The following DACH1 variants were observed in gnomAD, a reference collection of about 807,000 sequenced individuals.
DACH1 encodes the protein dachshund family transcription factor 1.
DACH1 carries 12 observed loss-of-function variants against 54.2 expected under a neutral mutation model. The ratio of observed to expected loss-of-function variants is 0.22; its 90% CI spans 0.14 to 0.36. The LOEUF (loss-of-function observed/expected upper bound fraction) is 0.36. Ranked by LOEUF, DACH1 falls within the 10% of genes least tolerant of loss-of-function variation. DACH1 has a pLI of 1.00. For synonymous variants in DACH1, 386 were observed against 366.2 expected (o/e 1.05, Z -0.62); for missense variants, 805 against 929.8 (o/e 0.87, Z 1.75).
chr13:71,624,925 C>T (rs1876531830), intron 3 of DACH1, among the ~76,000 whole-genome samples: 2 of 151,832 alleles, frequency 1.3e-5, no homozygotes, highest in South Asian at 2.1e-4. Flanking sequence ...TCTTGAGTCT[C>T]GGCCCCTTTT....
intron 3 of DACH1, among the ~76,000 whole-genome samples, chr13:71,582,498 T>C (rs1010289994): frequency 6.6e-6 from 1 of 152,114 alleles, no homozygotes. Flanking sequence ...CTAAGAATAA[T>C]TTCAAAATGT....
chr13:71,762,396 G>C (rs1885435342), intron 1 of DACH1, among the ~76,000 whole-genome samples: 1 of 152,106 alleles, frequency 6.6e-6, no homozygotes, highest in Non-Finnish European at 1.5e-5. Context: ...GAGTGAGCAA[G>C]AAAATGTCAC....
chr13:71,705,478 CAG>C (rs1882394330), intron 1 of DACH1, among the ~76,000 whole-genome samples: 1 of 152,124 alleles, frequency 6.6e-6, no homozygotes. Context: ...GTATGGAAGA[CAG>C]TGGTTTAACA....
chr13:71,584,611 C>A (rs1288984895), intron 3 of DACH1, among the ~76,000 whole-genome samples: 1 of 152,050 alleles, frequency 6.6e-6, no homozygotes, highest in Non-Finnish European at 1.5e-5. Flanking sequence ...CAAATCTCTA[C>A]TGAACTGTTT....
chr13:71,528,543 T>C (rs1258965331), intron 6 of DACH1, among the ~76,000 whole-genome samples: 1 of 147,502 alleles, frequency 6.8e-6, no homozygotes, highest in Non-Finnish European at 1.5e-5. Flanking sequence ...TTCTCCTGCC[T>C]CAGCCTCCCG....
chr13:71,634,144 T>C lies in DACH1; in HGVS notation c.965-3427A>G, dbSNP rs150035027. On this transcript the variant is annotated intron_variant, in intron 2 of 10. Transcript: ENST00000613252. ...CCCACCACCATGCCTAGCTCATTTTTGTATTTTTTGTAGAGACGGGGTTTC... is the reference window on the plus strand; with the variant it reads ...CCCACCACCATGCCTAGCTCATTTTCGTATTTTTTGTAGAGACGGGGTTTC... Among the ~76,000 whole-genome samples the C allele has an allele frequency of 1.2e-3, 189 of 152,084 alleles. 2 individuals carry two copies. In the East Asian group the frequency reaches 0.03, roughly 24 times the overall value.
chr13:71,468,826 C>T (rs534513668), intron 10 of DACH1, among the ~76,000 whole-genome samples: 4 of 152,040 alleles, frequency 2.6e-5, no homozygotes, highest in African/African-American at 4.8e-5. Context: ...ATTTTCTTTG[C>T]TTAGAGTGGG....
intron 3 of DACH1, among the ~76,000 whole-genome samples, chr13:71,619,119 T>C (rs1303773219): frequency 6.6e-6 from 1 of 151,636 alleles, no homozygotes; most frequent in African/African-American, 2.4e-5. Flanking sequence ...TGTGTGTATA[T>C]ATATATATGG....
At chr13:71,531,683 T>C (rs1393725517) in intron 6 of DACH1, among the ~76,000 whole-genome samples, 1 of 151,990 alleles carries the variant, frequency 6.6e-6, no homozygotes, top group Non-Finnish European at 1.5e-5. Flanking sequence ...TCTGTGGAGA[T>C]GACATTACTG....
chr13:71,506,938 A>T, intron 6 of DACH1, among the ~76,000 whole-genome samples: 1 of 151,226 alleles, frequency 6.6e-6, no homozygotes, highest in African/African-American at 2.4e-5. Flanking sequence ...CGTTAGACCT[A>T]AAACCATAAA....
chr13:71,458,511 A>G (rs1465728790), intron 10 of DACH1, among the ~76,000 whole-genome samples: 2 of 151,850 alleles, frequency 1.3e-5, no homozygotes, highest in Admixed American at 1.3e-4. Flanking sequence ...CTCTTAGGGA[A>G]AAAATATCAA....
chr13:71,857,860 C>A (rs1874104740), intron 1 of DACH1, among the ~76,000 whole-genome samples: 1 of 151,616 alleles, frequency 6.6e-6, no homozygotes, highest in Admixed American at 6.6e-5. Flanking sequence ...TTTAGCAGAA[C>A]TATGATGGGT....
At chr13:71,502,042 A>C (rs976107215) in intron 6 of DACH1, among the ~76,000 whole-genome samples, 3 of 152,166 alleles carry the variant, frequency 2.0e-5, no homozygotes, top group Admixed American at 6.6e-5. Flanking sequence ...GTAACACACA[A>C]ATTTTTTAAG....
chr13:71,823,705 T>C (rs543413326), intron 1 of DACH1, among the ~76,000 whole-genome samples: 71 of 152,044 alleles, frequency 4.7e-4, no homozygotes, highest in African/African-American at 1.7e-3. Context: ...AGCCAAGTTA[T>C]CATAAAGTTG....
In DACH1 at chr13:71,791,251, C is replaced by T. The variant is rs191901232; in HGVS notation, c.848+74671G>A. Among the ~76,000 whole-genome samples, 16 of 152,234 alleles carry T rather than the reference C, an allele frequency of 1.1e-4. No homozygotes were observed. In the East Asian group the frequency reaches 1.4e-3, roughly 13 times the overall value. ...TGCTAATATAACCCATTTGCTCTTTCGGACGTCAAACAATGATTTACACTA... is the reference window on the plus strand; with the variant it reads ...TGCTAATATAACCCATTTGCTCTTTTGGACGTCAAACAATGATTTACACTA... On this transcript the variant is annotated intron_variant, in intron 1 of 10. Coordinates refer to ENST00000613252, the MANE Select transcript of DACH1 (RefSeq NM_080759.6).
intron 3 of DACH1, among the ~76,000 whole-genome samples, chr13:71,587,750 G>A (rs1298165828): frequency 6.6e-6 from 1 of 151,976 alleles, no homozygotes; most frequent in African/African-American, 2.4e-5. Flanking sequence ...CTGAATAATA[G>A]GATACTTGAA....
At chr13:71,455,384 G>T (rs574056164) in intron 10 of DACH1, among the ~76,000 whole-genome samples, 3 of 151,912 alleles carry the variant, frequency 2.0e-5, no homozygotes, top group Admixed American at 1.3e-4. Context: ...CTACCTATAT[G>T]TGTACCTATA....
intron 3 of DACH1, among the ~76,000 whole-genome samples, chr13:71,601,862 T>A (rs1001896618): frequency 9.2e-5 from 14 of 152,010 alleles, no homozygotes; most frequent in African/African-American, 2.9e-4. Flanking sequence ...TATTTCAACA[T>A]TTGACTCTTG....
At chr13:71,477,892 T>G (rs1032701666) in intron 8 of DACH1, among the ~76,000 whole-genome samples, 1 of 152,202 alleles carries the variant, frequency 6.6e-6, no homozygotes, top group Admixed American at 6.5e-5. Context: ...CTGTTCGTAA[T>G]TAATTAAATG....
Sources: allele counts gnomAD v4.1 joint callset (sites outside exome capture counted in the v4.1 genomes callset), GRCh38; gene constraint gnomAD v4.1.1; transcripts MANE v1.5; gene names NCBI Gene and HGNC (gene_info 2026-07-23, HGNC 2026-07-21).